G2E3: variants seen among roughly 807,000 people sequenced by gnomAD.
The protein encoded by G2E3 is G2/M phase-specific E3 ubiquitin-protein ligase.
Under a neutral mutation model 92.8 loss-of-function variants are expected in G2E3, and 35 were observed. The ratio of observed to expected loss-of-function variants is 0.38; its 90% confidence interval spans 0.29 to 0.50. The LOEUF (loss-of-function observed/expected upper bound fraction) is 0.50. Ranked by LOEUF, G2E3 falls within the 20% of genes least tolerant of loss-of-function variation. The probability of loss-of-function intolerance (pLI) is 0.94; values close to 1 mark genes in which losing one functional copy is unlikely to be tolerated. For synonymous variants in G2E3, 242 were observed against 272.4 expected (o/e 0.89, Z 1.10); for missense variants, 554 against 823.8 (o/e 0.67, Z 4.01).
At chr14:30,607,864 A>G (rs921390988) in intron 11 of G2E3, 24 bp from the exon 12 acceptor site, 5 of 1,310,416 alleles carry the variant, frequency 3.8e-6, no homozygotes, top group African/African-American at 1.5e-5. Context: ...AGTGTATTTG[A>G]TATATTTTCA....
At chr14:30,576,496 C>T (rs1229577144) in intron 1 of G2E3, among the ~76,000 whole-genome samples, 1 of 152,104 alleles carries the variant, frequency 6.6e-6, no homozygotes, top group African/African-American at 2.4e-5. Context: ...AAACCAATCG[C>T]AACAAAAGCA....
intron 10 of G2E3, among the ~76,000 whole-genome samples, chr14:30,604,603 C>G (rs1881737084): frequency 1.3e-5 from 2 of 152,268 alleles, no homozygotes; most frequent in South Asian, 4.1e-4. Context: ...GCTGCTGCTG[C>G]TGGTCTGGGA....
At chr14:30,563,814 G>A (rs951634674) in intron 1 of G2E3, among the ~76,000 whole-genome samples, 1 of 151,138 alleles carries the variant, frequency 6.6e-6, no homozygotes, top group Non-Finnish European at 1.5e-5. Context: ...CCGCCTTCCC[G>A]GTTCCAGTGA....
chr14:30,582,944 A>G (rs1880514335), intron 2 of G2E3, among the ~76,000 whole-genome samples: 1 of 152,200 alleles, frequency 6.6e-6, no homozygotes, highest in Non-Finnish European at 1.5e-5. Context: ...TTAACATGTG[A>G]CATCTATTCT....
rs778682128 is a variant in G2E3 at position 30,593,493 on chromosome 14, C to T, written c.382C>T (p.Arg128Ter). 1.9e-6 allele frequency: 3 copies of T among 1,544,768 alleles called. No individual in the cohort carries two copies. The highest frequency in any genetic ancestry group is 1.4e-5 in the African/African-American group (1 of 73,176). The change falls in exon 6 of 15, where the codon CGA becomes TGA. Residue 128 changes from arginine (R) to a stop codon, truncating the protein, a stop_gained. Coordinates refer to ENST00000206595, the MANE Select transcript of G2E3 (RefSeq NM_017769.5). LOFTEE classifies it high-confidence loss of function. ...TTTTAGGTCATTTTGTTGGGACCAT[C>T]GACCTGTTCAAATAATTACATCTAA... ...GNFASFCWDH[R>*]PVQIITSNNY...
intron 8 of G2E3, among the ~76,000 whole-genome samples, 159 bp from the exon 9 acceptor site, chr14:30,601,611 G>A (rs551660236): frequency 6.0e-4 from 91 of 152,308 alleles, no homozygotes; most frequent in African/African-American, 2.0e-3. Context: ...TTACATTAGA[G>A]ATATTTAGAG....
intron 6 of G2E3, among the ~76,000 whole-genome samples, chr14:30,594,868 C>G (rs1051024313): frequency 4.0e-5 from 6 of 150,258 alleles, no homozygotes; most frequent in Non-Finnish European, 7.4e-5. Flanking sequence ...GTGGCTCATG[C>G]CTGTAATCCC....
rs1880250404 is a variant in G2E3, at chr14:30,578,542, T to C, written c.-4-2534T>C. On this transcript the variant is annotated intron_variant, in intron 1 of 14. Coordinates refer to ENST00000206595, the MANE Select transcript of G2E3 (RefSeq NM_017769.5). ...GAGTTACAGTAGATTTTATACAGGA[T>C]TTTGGAGAAGGATAGCATTTAGGTA... 1.3e-5 allele frequency among the ~76,000 whole-genome samples: 2 copies of C among 152,194 alleles called. 1 individual carries two copies. The highest frequency in any genetic ancestry group is 4.1e-4 in the South Asian group (2 of 4,834).
At chr14:30,559,604 T>A (rs1485850444) in intron 1 of G2E3, 1 of 152,128 alleles carries the variant, frequency 6.6e-6, no homozygotes, top group African/African-American at 2.4e-5. Context: ...CCAATTCGGC[T>A]CGAATGCTGA....
intron 6 of G2E3, among the ~76,000 whole-genome samples, chr14:30,594,669 G>A (rs1000867779): frequency 6.6e-6 from 1 of 151,620 alleles, no homozygotes; most frequent in Admixed American, 6.6e-5. Context: ...TTCCAGCCTG[G>A]GCCACAGAGC....
chr14:30,590,776 A>G (rs1341579526), intron 4 of G2E3: 18 of 455,294 alleles, frequency 4.0e-5, no homozygotes, highest in Non-Finnish European at 2.6e-5. Context: ...AGATATTAGT[A>G]TCATAATTCC....
chr14:30,592,074 T>A (rs229254), intron 4 of G2E3, among the ~76,000 whole-genome samples: 2,885 of 152,260 alleles, frequency 0.019, 96 homozygotes, highest in African/African-American at 0.065. Context: ...GGCTTCTCTG[T>A]CTTATCCACA....
At chr14:30,599,819 A>G (rs1881477810) in intron 8 of G2E3, among the ~76,000 whole-genome samples, 1 of 152,184 alleles carries the variant, frequency 6.6e-6, no homozygotes, top group African/African-American at 2.4e-5. Flanking sequence ...AATTACATAT[A>G]TGGTTTACAT....
Position 30,589,449 on chromosome 14 carries a change from G to A in G2E3, c.202G>A (p.Asp68Asn). 6.2e-7 allele frequency: 1 copy of A among 1,600,338 alleles called. No individual in the cohort carries two copies. ...AGGAGTTTATGGTTTTCTAATAGAAGATATCAGGAAGGAAGTGAATAGAGC... is the reference window on the plus strand; with the variant it reads ...AGGAGTTTATGGTTTTCTAATAGAAAATATCAGGAAGGAAGTGAATAGAGC... ...EEGVYGFLIEDIRKEVNRASK... is the reference protein window; with the variant it reads ...EEGVYGFLIENIRKEVNRASK... Residue 68 changes from aspartate (D) to asparagine (N), a missense_variant, in exon 4 of 15, where the codon GAT becomes AAT. Transcript: ENST00000206595.
chr14:30,611,220 A>C (rs1031430866), intron 12 of G2E3: 1 of 152,244 alleles, frequency 6.6e-6, no homozygotes, highest in Non-Finnish European at 1.5e-5. Flanking sequence ...AAGTTTGGCT[A>C]TGTGCCCAGC....
Position 30,603,156 on chromosome 14 carries a change from T to C in G2E3, c.1010+1025T>C, listed in dbSNP as rs181340784. 1.5e-3 allele frequency among the ~76,000 whole-genome samples: 235 copies of C among 152,094 alleles called. 1 individual carries two copies. Among genetic ancestry groups the C allele is most frequent in the African/African-American group, 5.3e-3 (218 of 41,492 alleles). On this transcript the variant is annotated intron_variant, in intron 10 of 14. Transcript: ENST00000206595. ...TCCTGGCCAATATGGTGAAACCCCG[T>C]CTCTATTAAAAATACAAAAATTAGC...
chr14:30,579,479 G>A (rs10144613), intron 1 of G2E3, among the ~76,000 whole-genome samples: 2,574 of 152,236 alleles, frequency 0.017, 77 homozygotes, highest in African/African-American at 0.059. Flanking sequence ...ACTTTTTACA[G>A]TCAGTATGAA....
In G2E3 at chr14:30,617,216, A is replaced by G. The variant is rs1225653325; in HGVS notation, c.*682A>G. ...GGGAGGCTGAGGTGGGAGAATCGAG[A>G]TACTCAGCCAGCCTGGCAATGTAGC... On this transcript the variant is annotated 3_prime_UTR_variant, in exon 15 of 15. Transcript: ENST00000206595. 1 of 151,982 alleles carries G rather than the reference A, an allele frequency of 6.6e-6. No individual in the cohort carries two copies. Among genetic ancestry groups the G allele is most frequent in the Non-Finnish European group, 1.5e-5 (1 of 67,940 alleles). The allele number at this position is 151,982 out of a possible 1,614,324, so 9.4% of individuals were successfully genotyped here. A position where few individuals can be genotyped will look rare whatever the true frequency, so the allele number is the denominator to read the frequency against.
intron 10 of G2E3, among the ~76,000 whole-genome samples, chr14:30,603,152 C>T (rs1272286476): frequency 1.3e-5 from 2 of 151,786 alleles, no homozygotes; most frequent in African/African-American, 4.8e-5. Flanking sequence ...ATGGTGAAAC[C>T]CCGTCTCTAT....
Sources: gnomAD v4.1 joint callset for allele counts (sites outside exome capture counted in the v4.1 genomes callset) on GRCh38, gnomAD v4.1.1 for gene constraint, MANE v1.5 for transcripts, NCBI Gene and HGNC (gene_info 2026-07-23, HGNC 2026-07-21) for gene names.